STARD13: variants seen among roughly 807,000 people sequenced by gnomAD.
STARD13 encodes the protein stAR-related lipid transfer protein 13.
STARD13 carries 62 observed loss-of-function variants against 106.4 expected under a neutral mutation model. The observed-to-expected ratio is 0.58, with a 90% CI of 0.48 to 0.72. STARD13 has a LOEUF of 0.72. STARD13 is among the 30% of genes least tolerant of loss of function. STARD13 has a pLI of 0.00. For synonymous variants in STARD13, 565 were observed against 553.0 expected, an observed-to-expected ratio of 1.02 and a Z score of -0.31; for missense variants, 1,387 against 1,424.0, an observed-to-expected ratio of 0.97 and a Z score of 0.42.
At chr13:33,132,282 T>C (rs1372350810) in intron 4 of STARD13, among the ~76,000 whole-genome samples, 1 of 152,198 alleles carries the variant, frequency 6.6e-6, no homozygotes, top group Non-Finnish European at 1.5e-5. Context: ...TCCCATGTTT[T>C]GATGTGTTAT....
chr13:33,193,798 C>T (rs1395693042), intron 1 of STARD13, among the ~76,000 whole-genome samples: 1 of 152,096 alleles, frequency 6.6e-6, no homozygotes, highest in Non-Finnish European at 1.5e-5. Context: ...CTGTAGAGAT[C>T]AGTAAAATAA....
At chr13:33,281,079 A>G (rs1334274090) in intron 1 of STARD13, 1 of 152,214 alleles carries the variant, frequency 6.6e-6, no homozygotes, top group African/African-American at 2.4e-5. Flanking sequence ...TCCTGTTCAA[A>G]GAGTTGCTGA....
intron 3 of STARD13, among the ~76,000 whole-genome samples, chr13:33,161,920 T>G (rs776515574): frequency 6.6e-6 from 1 of 152,122 alleles, no homozygotes; most frequent in Non-Finnish European, 1.5e-5. Context: ...AACCTTCAGA[T>G]CTTGTGAGAC....
At chr13:33,523,536 CCTT>C in the STARD13 span, among the ~76,000 whole-genome samples, 1 of 151,990 alleles carries the variant, frequency 6.6e-6, no homozygotes, top group African/African-American at 2.4e-5. Flanking sequence ...TACTTAAAAT[CCTT>C]CTATATCTAA....
intron 1 of STARD13, among the ~76,000 whole-genome samples, chr13:33,200,921 G>C (rs1382311722): frequency 1.3e-5 from 2 of 152,070 alleles, no homozygotes; most frequent in Non-Finnish European, 2.9e-5. Context: ...AGCTACTCGG[G>C]AGGCTGAGGC....
the STARD13 span, chr13:33,524,199 A>G: frequency 4.1e-6 from 5 of 1,215,478 alleles, no homozygotes; most frequent in Admixed American, 2.6e-5. Flanking sequence ...AGGGCAGGAC[A>G]CTCACACCAG....
chr13:33,472,988 A>C, the STARD13 span, among the ~76,000 whole-genome samples: 1 of 152,194 alleles, frequency 6.6e-6, no homozygotes, highest in Non-Finnish European at 1.5e-5. Context: ...GAACTCTATC[A>C]GGAGTAATGC....
chr13:33,269,614 A>G (rs1891061375), intron 1 of STARD13, among the ~76,000 whole-genome samples: 1 of 152,230 alleles, frequency 6.6e-6, no homozygotes, highest in Admixed American at 6.5e-5. Flanking sequence ...TTTGAAAGCT[A>G]TGACTTATGA....
intron 1 of STARD13, among the ~76,000 whole-genome samples, chr13:33,208,143 G>A (rs972886840): frequency 6.6e-6 from 1 of 152,210 alleles, no homozygotes; most frequent in African/African-American, 2.4e-5. Context: ...CAGAGGATGT[G>A]TGCTGCCAGC....
chr13:33,552,759 A>G, the STARD13 span, among the ~76,000 whole-genome samples: 1 of 152,166 alleles, frequency 6.6e-6, no homozygotes. Flanking sequence ...TAGACAAACT[A>G]TGTTTCCATA....
the STARD13 span, among the ~76,000 whole-genome samples, chr13:33,512,565 T>C: frequency 6.6e-6 from 1 of 152,076 alleles, no homozygotes; most frequent in East Asian, 1.9e-4. Flanking sequence ...CCTCTAGAGT[T>C]CAAGTGATTC....
At chr13:33,286,526 A>G (rs1892067142), upstream of STARD13, among the ~76,000 whole-genome samples, 1 of 152,246 alleles carries the variant, frequency 6.6e-6, no homozygotes, top group South Asian at 2.1e-4. Flanking sequence ...TTGCAAAGGT[A>G]CTTCAAAGAT....
chr13:33,425,896 A>T, the STARD13 span, among the ~76,000 whole-genome samples: 5 of 152,226 alleles, frequency 3.3e-5, no homozygotes, highest in Admixed American at 3.3e-4. Context: ...AGACATCCGA[A>T]GTAACCTGCA....
chr13:33,443,205 G>A, the STARD13 span, among the ~76,000 whole-genome samples: 3 of 151,734 alleles, frequency 2.0e-5, no homozygotes, highest in African/African-American at 7.3e-5. Context: ...GTGAAGACCC[G>A]TCTCTACTAA....
chr13:33,166,432 G>A (rs965152375), intron 2 of STARD13, among the ~76,000 whole-genome samples: 1 of 151,976 alleles, frequency 6.6e-6, no homozygotes, highest in African/African-American at 2.4e-5. Flanking sequence ...GTCCCTTTGG[G>A]CTCATGGTAG....
chr13:33,592,313 T>C, the STARD13 span, among the ~76,000 whole-genome samples: 1 of 152,250 alleles, frequency 6.6e-6, no homozygotes, highest in Non-Finnish European at 1.5e-5. Context: ...GTATCAGTTT[T>C]CAAGTTACTA....
chr13:33,138,848 G>T (rs1259914140), intron 4 of STARD13: 1 of 479,370 alleles, frequency 2.1e-6, no homozygotes, highest in Non-Finnish European at 4.2e-6. Flanking sequence ...AATCCTTAAA[G>T]GGTCCCTTTT....
the STARD13 span, among the ~76,000 whole-genome samples, chr13:33,576,177 C>T: frequency 1.0e-3 from 155 of 152,232 alleles, 1 homozygote; most frequent in Middle Eastern, 3.4e-3. Flanking sequence ...ACTGTTTCTA[C>T]GCCAGTTGGC....
intron 1 of STARD13, among the ~76,000 whole-genome samples, chr13:33,303,077 C>T (rs1442350667): frequency 6.6e-6 from 1 of 152,116 alleles, no homozygotes; most frequent in Non-Finnish European, 1.5e-5. Context: ...TCCTTCAATT[C>T]CCACTCATTT....
Sources: gnomAD v4.1 joint callset for allele counts (sites outside exome capture counted in the v4.1 genomes callset) on GRCh38, gnomAD v4.1.1 for gene constraint, MANE v1.5 for transcripts, NCBI Gene and HGNC (gene_info 2026-07-23, HGNC 2026-07-21) for gene names.